GLIS3: variants seen among roughly 807,000 people sequenced by gnomAD.
The protein encoded by GLIS3 is GLIS family zinc finger 3, also known as zinc finger protein GLIS3.
Under a neutral mutation model 78.6 loss-of-function variants are expected in GLIS3, and 53 were observed. That is an observed-to-expected ratio of 0.67 (90% confidence interval 0.54 to 0.85). The LOEUF (loss-of-function observed/expected upper bound fraction) is 0.85, where lower values mean the gene tolerates loss of function less well. Ranked by LOEUF, GLIS3 falls within the 40% of genes least tolerant of loss-of-function variation. The pLI is 0.00. For synonymous variants in GLIS3, 684 were observed against 509.9 expected (o/e 1.34, Z -4.60); for missense variants, 1,703 against 1,231.1 (o/e 1.38, Z -5.74).
chr9:3,975,949 A>G (rs1039493163), intron 4 of GLIS3, among the ~76,000 whole-genome samples: 15 of 152,168 alleles, frequency 9.9e-5, no homozygotes, highest in African/African-American at 3.6e-4. Context: ...AGGTAGGTGA[A>G]ACACCATTAA....
At chr9:3,953,785 C>A (rs1278963189) in intron 4 of GLIS3, among the ~76,000 whole-genome samples, 564 of 42,272 alleles carry the variant, frequency 0.013, 8 homozygotes, top group African/African-American at 0.046. Flanking sequence ...CTCTCTCTCT[C>A]TCTCTCTCTC....
At chr9:4,160,326 T>A (rs1022241767) in intron 2 of GLIS3, among the ~76,000 whole-genome samples, 1 of 152,232 alleles carries the variant, frequency 6.6e-6, no homozygotes, top group African/African-American at 2.4e-5. Flanking sequence ...AAATCCGCAA[T>A]GCCAAGTGTG....
At chr9:3,894,279 A>G (rs1424977582) in intron 7 of GLIS3, among the ~76,000 whole-genome samples, 1 of 152,190 alleles carries the variant, frequency 6.6e-6, no homozygotes, top group African/African-American at 2.4e-5. Flanking sequence ...TAATCTTCAC[A>G]ACTCTCCTAT....
intron 2 of GLIS3, among the ~76,000 whole-genome samples, chr9:4,266,630 A>G (rs866034355): frequency 1.5e-5 from 2 of 133,934 alleles, no homozygotes; most frequent in Admixed American, 7.7e-5. Flanking sequence ...ACACACACAC[A>G]CTTTCCTTAG....
intron 2 of GLIS3, among the ~76,000 whole-genome samples, chr9:4,268,650 A>T (rs1463888622): frequency 2.0e-5 from 3 of 152,224 alleles, no homozygotes; most frequent in Non-Finnish European, 2.9e-5. Context: ...CTGTTTTAAG[A>T]ATCATTATTG....
chr9:4,230,764 T>C (rs1227225356), intron 2 of GLIS3, among the ~76,000 whole-genome samples: 1 of 152,124 alleles, frequency 6.6e-6, no homozygotes, highest in Non-Finnish European at 1.5e-5. Context: ...AAAAAGCAAA[T>C]ATCTCTCAAG....
chr9:4,024,850 T>C (rs923106735), intron 4 of GLIS3, among the ~76,000 whole-genome samples: 14 of 152,194 alleles, frequency 9.2e-5, no homozygotes, highest in African/African-American at 3.4e-4. Context: ...GATTCTTAGA[T>C]TGGTATCCAT....
At chr9:4,187,642 T>G (rs10814867) in intron 2 of GLIS3, among the ~76,000 whole-genome samples, 64,886 of 151,980 alleles carry the variant, frequency 0.43, 14,056 homozygotes, top group African/African-American at 0.46. Flanking sequence ...GGAATGTTCT[T>G]CCATTTGTTT....
rs902230115 is a variant in GLIS3, at chr9:4,240,097, C to T, written c.388+45941G>A. 1.4e-5 allele frequency among the ~76,000 whole-genome samples: 2 copies of T among 147,896 alleles called. 1 individual carries two copies. The highest frequency in any genetic ancestry group is 5.0e-5 in the African/African-American group (2 of 39,828). On this transcript the variant is annotated intron_variant, in intron 2 of 10. Transcript: ENST00000381971. ...AGTAGTGGACACATATTTTATCCTT[C>T]TTACAATTAATTCACCATCTAAAGC...
At chr9:4,450,135 G>A in the GLIS3 span, among the ~76,000 whole-genome samples, 3 of 152,142 alleles carry the variant, frequency 2.0e-5, no homozygotes, top group African/African-American at 2.4e-5. Context: ...AAAATAAACA[G>A]TGTAGAGAAG....
chr9:4,110,198 C>A (rs984715384), intron 4 of GLIS3, among the ~76,000 whole-genome samples: 10 of 152,072 alleles, frequency 6.6e-5, no homozygotes, highest in African/African-American at 2.2e-4. Flanking sequence ...TAATTATATA[C>A]CCTAATTTTT....
intron 2 of GLIS3, among the ~76,000 whole-genome samples, chr9:4,209,815 GC>G (rs147694581): frequency 1.6e-4 from 4 of 25,138 alleles, no homozygotes; most frequent in African/African-American, 4.9e-4. Context: ...TAGCATTCCC[GC>G]CCCCCCCCAG....
chr9:4,359,220 G>A, the GLIS3 span, among the ~76,000 whole-genome samples: 1 of 152,040 alleles, frequency 6.6e-6, no homozygotes, highest in South Asian at 2.1e-4. Flanking sequence ...ACACCGAGAT[G>A]AGCGCGTGTG....
chr9:3,999,089 G>A (rs1180104698), intron 4 of GLIS3, among the ~76,000 whole-genome samples: 4 of 151,860 alleles, frequency 2.6e-5, no homozygotes, highest in South Asian at 2.1e-4. Context: ...CCTAGATATC[G>A]CACCACATCA....
At position 4,125,869 on chromosome 9, in the gene GLIS3, C is replaced by G; in HGVS notation, c.461G>C (p.Ser154Thr). 1 of 1,613,990 alleles carries G rather than the reference C, an allele frequency of 6.2e-7. No individual in the cohort carries two copies. Among genetic ancestry groups the G allele is most frequent in the Non-Finnish European group, 8.5e-7 (1 of 1,179,940 alleles). Residue 154 changes from serine (S) to threonine (T), a missense_variant, in exon 3 of 11, where the codon AGT (serine) becomes ACT (threonine). Coordinates refer to ENST00000381971, the MANE Select transcript of GLIS3 (RefSeq NM_001042413.2). ...TCCCAGTCGCTGAACCATCATGGGA[C>G]TGCTGGTGACCACTAGATTGTTGCA... is the stretch of plus-strand genomic sequence containing the variant. ...GSCNNLVVTSSPMMVQRLGLI... is the reference protein window; with the variant it reads ...GSCNNLVVTSTPMMVQRLGLI...
the GLIS3 span, among the ~76,000 whole-genome samples, chr9:4,481,723 A>G: frequency 6.6e-6 from 1 of 152,100 alleles, no homozygotes; most frequent in African/African-American, 2.4e-5. Flanking sequence ...TGGGGTGAAG[A>G]GCCCTTGTGC....
the GLIS3 span, among the ~76,000 whole-genome samples, chr9:4,354,824 G>C: frequency 1.3e-5 from 2 of 152,186 alleles, no homozygotes; most frequent in Admixed American, 1.3e-4. Context: ...ACCTTTAAGA[G>C]TTCCCTGAGT....
chr9:3,875,491 A>G (rs1312140021), intron 8 of GLIS3: 1 of 152,192 alleles, frequency 6.6e-6, no homozygotes, highest in African/African-American at 2.4e-5. Flanking sequence ...AAGCAGGAAA[A>G]GATGCCAGTT....
chr9:4,368,543 G>A, the GLIS3 span, among the ~76,000 whole-genome samples: 3 of 152,098 alleles, frequency 2.0e-5, no homozygotes, highest in African/African-American at 4.8e-5. Flanking sequence ...ACTAGAGACG[G>A]GGTTTCACCG....
Sources: allele counts gnomAD v4.1 joint callset (sites outside exome capture counted in the v4.1 genomes callset), GRCh38; gene constraint gnomAD v4.1.1; transcripts MANE v1.5; gene names NCBI Gene and HGNC (gene_info 2026-07-23, HGNC 2026-07-21).